Variants in DOCK1 observed in about 807,000 individuals in gnomAD.
DOCK1 encodes dedicator of cytokinesis protein 1.
A neutral mutation model predicts 262.7 loss-of-function variants in DOCK1; 138 were observed. That is an observed-to-expected ratio of 0.53 (90% confidence interval 0.46 to 0.61). The LOEUF (loss-of-function observed/expected upper bound fraction) is 0.61, where lower values mean the gene tolerates loss of function less well. Among genes scored for constraint, DOCK1 ranks in the 20% least tolerant of loss-of-function variants. The probability of loss-of-function intolerance (pLI) is 0.00; values close to 1 mark genes in which losing one functional copy is unlikely to be tolerated. For synonymous variants in DOCK1, 866 were observed against 867.4 expected (o/e 1.00, Z 0.03); for missense variants, 1,908 against 2,370.7 (o/e 0.80, Z 4.05).
At chr10:127,345,916 G>A (rs1226654705) in intron 31 of DOCK1, among the ~76,000 whole-genome samples, 2 of 152,170 alleles carry the variant, frequency 1.3e-5, no homozygotes, top group African/African-American at 2.4e-5. Context: ...TAGTGCAGAC[G>A]GTAGTGACCA....
In DOCK1 at chr10:127,403,155, A is replaced by G. The variant is rs773878631; in HGVS notation, c.4017+11A>G. The G allele has an allele frequency of 6.3e-7, 1 of 1,587,848 alleles. No individual in the cohort carries two copies. The highest frequency in any genetic ancestry group is 8.6e-7 in the Non-Finnish European group (1 of 1,166,822). On this transcript the variant is annotated intron_variant, in intron 39 of 51. Coordinates refer to ENST00000623213, the MANE Select transcript of DOCK1 (RefSeq NM_001290223.2). The stretch of plus-strand genomic sequence containing the variant: ...CTCAGCGAATTGCTGGTGAGTCTTT[A>G]TTTCTTTTTATTTAAATGAACACAG...
Position 127,433,274 on chromosome 10 carries a change from C to T in DOCK1, c.4915-9C>T, listed in dbSNP as rs1395974312. The stretch of plus-strand genomic sequence containing the variant: ...AACAAGTCTCCTTCTCTCTCTTTCT[C>T]GCTCTCAGCCCTCAAGTCTGGATGA... On this transcript the variant is annotated splice_polypyrimidine_tract_variant and intron_variant, in intron 47 of 51. Transcript: ENST00000623213. 3.7e-6 allele frequency: 6 copies of T among 1,613,348 alleles called. No homozygotes were observed. The highest frequency in any genetic ancestry group is 3.3e-5 in the South Asian group (3 of 91,034).
chr10:126,929,964 C>CT lies in DOCK1; in HGVS notation c.46+24409dup, dbSNP rs1402524393. Among the ~76,000 whole-genome samples the CT allele has an allele frequency of 9.9e-5, 15 of 152,168 alleles. No individual in the cohort carries two copies. The East Asian group carries it at 2.3e-3, about 24-fold the overall frequency. ...CCATGTACCCATTTAGCAGTTTCTT[C>CT]TTTTTTTTCCTCTTCCCCCAGCTCC... On this transcript the variant is annotated intron_variant, in intron 1 of 51. Transcript: ENST00000623213.
At chr10:127,386,831 G>A (rs1177379645) in intron 38 of DOCK1, among the ~76,000 whole-genome samples, 2 of 152,176 alleles carry the variant, frequency 1.3e-5, no homozygotes, top group Non-Finnish European at 1.5e-5. Flanking sequence ...AAAAAGGTTG[G>A]GGACCGCTGC....
chr10:127,155,412 T>A (rs1450116708), intron 27 of DOCK1, among the ~76,000 whole-genome samples: 1 of 152,142 alleles, frequency 6.6e-6, no homozygotes, highest in African/African-American at 2.4e-5. Flanking sequence ...TTTCTGTGAT[T>A]CATCATATTT....
intron 29 of DOCK1, among the ~76,000 whole-genome samples, chr10:127,295,385 C>T (rs75188439): frequency 0.023 from 3,489 of 152,164 alleles, 129 homozygotes; most frequent in African/African-American, 0.077. Context: ...ACAGGGAAGG[C>T]ACCAAGTTAT....
At chr10:127,096,841 T>C (rs2047937103) in intron 23 of DOCK1, among the ~76,000 whole-genome samples, 1 of 152,070 alleles carries the variant, frequency 6.6e-6, no homozygotes, top group Non-Finnish European at 1.5e-5. Flanking sequence ...GCATGGTGGC[T>C]CACCCCTGTA....
At chr10:126,991,487 A>G (rs935534103) in intron 6 of DOCK1, among the ~76,000 whole-genome samples, 5 of 151,786 alleles carry the variant, frequency 3.3e-5, no homozygotes, top group African/African-American at 9.7e-5. Context: ...CTGATTTGTG[A>G]TATCTGGGAT....
At position 127,239,624 on chromosome 10, in the gene DOCK1, C is replaced by T. The variant is rs112048768; in HGVS notation, c.2848-8384C>T. On this transcript the variant is annotated intron_variant, in intron 27 of 51. Coordinates refer to ENST00000623213, the MANE Select transcript of DOCK1 (RefSeq NM_001290223.2). ...ATCTATGAAAGTCAGTTTAAAAACA[C>T]GTATAGACATATTGATCTTCTCTTC... is the stretch of plus-strand genomic sequence containing the variant. Among the ~76,000 whole-genome samples the T allele has an allele frequency of 1.5e-4, 23 of 152,174 alleles. 1 individual carries two copies. The highest frequency in any genetic ancestry group is 4.6e-4 in the Admixed American group (7 of 15,272).
At chr10:127,421,677 A>C (rs1173181093) in intron 46 of DOCK1, among the ~76,000 whole-genome samples, 1 of 152,080 alleles carries the variant, frequency 6.6e-6, no homozygotes, top group Non-Finnish European at 1.5e-5. Flanking sequence ...TTGTGTCTCT[A>C]TGAATTTGCC....
At chr10:127,135,808 G>A (rs1242678708) in intron 27 of DOCK1, 1 of 152,586 alleles carries the variant, frequency 6.6e-6, no homozygotes, top group Non-Finnish European at 1.5e-5. Context: ...TGTTTAGACA[G>A]ATTTGTGTTA....
At chr10:127,403,687 A>C (rs2067352643) in intron 39 of DOCK1, among the ~76,000 whole-genome samples, 1 of 152,172 alleles carries the variant, frequency 6.6e-6, no homozygotes, top group South Asian at 2.1e-4. Context: ...TGAACCCAGG[A>C]GGTGGAAGTT....
intron 48 of DOCK1, among the ~76,000 whole-genome samples, chr10:127,436,819 T>C (rs191109934): frequency 2.3e-4 from 35 of 152,228 alleles, no homozygotes; most frequent in African/African-American, 6.0e-4. Flanking sequence ...TAATAATACA[T>C]GAGTGTTAAT....
intron 27 of DOCK1, among the ~76,000 whole-genome samples, chr10:127,244,758 T>C (rs1384011600): frequency 6.6e-6 from 1 of 152,208 alleles, no homozygotes; most frequent in African/African-American, 2.4e-5. Context: ...TTATTTTTAC[T>C]TATTGACTTA....
chr10:126,948,680 A>G (rs1321808542), intron 1 of DOCK1, among the ~76,000 whole-genome samples: 8 of 152,092 alleles, frequency 5.3e-5, no homozygotes, highest in Admixed American at 3.3e-4. Flanking sequence ...ACTGCTTCCC[A>G]GGAATCCTCA....
chr10:127,311,473 T>C (rs894739458), intron 29 of DOCK1, among the ~76,000 whole-genome samples: 2 of 152,230 alleles, frequency 1.3e-5, no homozygotes, highest in African/African-American at 4.8e-5. Context: ...GAGCATTTCC[T>C]GTGAATGTTA....
intron 1 of DOCK1, among the ~76,000 whole-genome samples, chr10:126,911,705 G>A (rs978335121): frequency 7.2e-5 from 11 of 152,178 alleles, no homozygotes; most frequent in Non-Finnish European, 1.5e-4. Context: ...TTTTTAAGCA[G>A]CGATGTTCTG....
At chr10:127,361,305 G>A (rs969723605) in intron 32 of DOCK1, among the ~76,000 whole-genome samples, 37 of 151,616 alleles carry the variant, frequency 2.4e-4, no homozygotes, top group African/African-American at 7.3e-4. Flanking sequence ...TAGTAGAGAC[G>A]GTGTCTCACC....
intron 27 of DOCK1, among the ~76,000 whole-genome samples, chr10:127,212,502 G>A (rs975474757): frequency 1.3e-5 from 2 of 152,126 alleles, no homozygotes; most frequent in African/African-American, 2.4e-5. Flanking sequence ...GGGCAGGTGC[G>A]AACGGTGGAG....
Sources: gnomAD v4.1 joint callset for allele counts (sites outside exome capture counted in the v4.1 genomes callset) on GRCh38, gnomAD v4.1.1 for gene constraint, MANE v1.5 for transcripts, NCBI Gene and HGNC (gene_info 2026-07-23, HGNC 2026-07-21) for gene names.